The following PPARGC1A variants were observed in gnomAD, a reference collection of about 807,000 sequenced individuals.
PPARGC1A encodes peroxisome proliferator-activated receptor gamma coactivator 1-alpha.
A neutral mutation model predicts 88.7 loss-of-function variants in PPARGC1A; 25 were observed. The ratio of observed to expected loss-of-function variants is 0.28; its 90% CI spans 0.21 to 0.39. The LOEUF is 0.39. Ranked by LOEUF, PPARGC1A falls within the 10% of genes least tolerant of loss-of-function variation. The pLI is 1.00. For synonymous variants in PPARGC1A, 363 were observed against 355.6 expected (o/e 1.02, Z -0.24); for missense variants, 880 against 968.7 (o/e 0.91, Z 1.22).
the PPARGC1A span, among the ~76,000 whole-genome samples, chr4:24,049,322 A>ATATATATATATATATG: frequency 7.4e-3 from 1,051 of 141,906 alleles, 43 homozygotes; most frequent in Admixed American, 0.059. Flanking sequence ...ATATATATAT[A>ATATATATATATATATG]TGTGTGTGTG....
chr4:24,124,975 C>T, the PPARGC1A span, among the ~76,000 whole-genome samples: 12 of 152,124 alleles, frequency 7.9e-5, no homozygotes, highest in African/African-American at 2.9e-4. Context: ...ATACTTCACA[C>T]TCCCTCCTTG....
the PPARGC1A span, among the ~76,000 whole-genome samples, chr4:24,462,901 C>T: frequency 6.6e-6 from 1 of 151,784 alleles, no homozygotes; most frequent in Non-Finnish European, 1.5e-5. Flanking sequence ...ACAACAATTG[C>T]AGGGGATGGA....
In PPARGC1A at chr4:23,795,147, G is replaced by C. The variant is rs1717285210; in HGVS notation, c.*675C>G. ...GTCATATAATCATTACGTTATGAGA[G>C]AAAGCTTGCTTCAAGTTGATTCTGC... is the stretch of plus-strand genomic sequence containing the variant. On this transcript the variant is annotated 3_prime_UTR_variant, in exon 13 of 13. Coordinates refer to ENST00000264867, the MANE Select transcript of PPARGC1A (RefSeq NM_013261.5). The C allele has an allele frequency of 6.6e-6, 1 of 151,860 alleles. No individual in the cohort carries two copies. 9.4% of individuals were successfully genotyped at this position (151,860 alleles called of 1,614,324 possible).
the PPARGC1A span, among the ~76,000 whole-genome samples, chr4:24,190,501 T>C: frequency 6.6e-6 from 1 of 152,026 alleles, no homozygotes; most frequent in South Asian, 2.1e-4. Flanking sequence ...GGCTACAAAG[T>C]GAGACTCCAT....
chr4:24,240,888 C>A, the PPARGC1A span, among the ~76,000 whole-genome samples: 1 of 152,142 alleles, frequency 6.6e-6, no homozygotes, highest in South Asian at 2.1e-4. Flanking sequence ...ATCCAAGCAG[C>A]CTCACTGAAC....
At chr4:23,862,319 T>C (rs1033378596) in intron 2 of PPARGC1A, among the ~76,000 whole-genome samples, 1 of 152,206 alleles carries the variant, frequency 6.6e-6, no homozygotes, top group African/African-American at 2.4e-5. Flanking sequence ...GTTCCTGTGA[T>C]TTTAAAATTT....
chr4:24,358,083 A>G, the PPARGC1A span, among the ~76,000 whole-genome samples: 1 of 152,184 alleles, frequency 6.6e-6, no homozygotes, highest in Non-Finnish European at 1.5e-5. Flanking sequence ...ATATTACTCC[A>G]CTAACCCTCA....
the PPARGC1A span, among the ~76,000 whole-genome samples, chr4:24,008,339 T>A: frequency 6.6e-6 from 1 of 152,194 alleles, no homozygotes; most frequent in Non-Finnish European, 1.5e-5. Flanking sequence ...GAAAAGATCC[T>A]TAGGAGCTTT....
the PPARGC1A span, among the ~76,000 whole-genome samples, chr4:24,091,248 T>C: frequency 6.6e-6 from 1 of 152,266 alleles, no homozygotes; most frequent in African/African-American, 2.4e-5. Flanking sequence ...CCTATAGATT[T>C]GTAAAGCCCT....
At chr4:24,335,151 T>C in the PPARGC1A span, among the ~76,000 whole-genome samples, 2 of 152,180 alleles carry the variant, frequency 1.3e-5, no homozygotes, top group African/African-American at 4.8e-5. Context: ...CTTAGCATAA[T>C]TCTTGGCATA....
At chr4:23,892,624 C>T (rs1336087153), upstream of PPARGC1A, among the ~76,000 whole-genome samples, 1 of 151,522 alleles carries the variant, frequency 6.6e-6, no homozygotes, top group Non-Finnish European at 1.5e-5. Flanking sequence ...TTCCCCGGGC[C>T]ATTTCTCTAT....
chr4:23,835,603 C>T (rs577754577), intron 2 of PPARGC1A, among the ~76,000 whole-genome samples: 4 of 151,654 alleles, frequency 2.6e-5, no homozygotes, highest in South Asian at 2.1e-4. Flanking sequence ...AATGATTATT[C>T]GATATTATTG....
the PPARGC1A span, among the ~76,000 whole-genome samples, chr4:24,161,561 T>C: frequency 1.4e-3 from 209 of 152,198 alleles, 1 homozygote; most frequent in South Asian, 4.8e-3. Flanking sequence ...GGGGTTGTCA[T>C]GAGATACTAT....
At chr4:24,256,927 TAA>T in the PPARGC1A span, among the ~76,000 whole-genome samples, 1 of 152,076 alleles carries the variant, frequency 6.6e-6, no homozygotes, top group South Asian at 2.1e-4. Context: ...TCCAGAGGGG[TAA>T]AGAGTTTTGG....
chr4:24,426,648 A>T, the PPARGC1A span, among the ~76,000 whole-genome samples: 1 of 152,244 alleles, frequency 6.6e-6, no homozygotes, highest in Non-Finnish European at 1.5e-5. Context: ...ATTATGGCTT[A>T]AGTATGGGCT....
the PPARGC1A span, among the ~76,000 whole-genome samples, chr4:24,123,052 G>C: frequency 5.3e-5 from 8 of 152,146 alleles, no homozygotes; most frequent in Admixed American, 6.5e-5. Flanking sequence ...CACACGCACT[G>C]GTGGTCATGC....
the PPARGC1A span, among the ~76,000 whole-genome samples, chr4:24,052,151 T>G: frequency 1.2e-4 from 18 of 152,296 alleles, 1 homozygote; most frequent in South Asian, 1.9e-3. Flanking sequence ...CTGCTATTAT[T>G]GAAAATCATA....
chr4:23,923,456 A>C, the PPARGC1A span, among the ~76,000 whole-genome samples: 2 of 152,212 alleles, frequency 1.3e-5, no homozygotes, highest in Non-Finnish European at 2.9e-5. Context: ...ATTACTGTCC[A>C]GTGACAGCAT....
chr4:24,188,267 T>C, the PPARGC1A span, among the ~76,000 whole-genome samples: 1 of 152,096 alleles, frequency 6.6e-6, no homozygotes, highest in Non-Finnish European at 1.5e-5. Context: ...ATGTCCTATA[T>C]TCTAAGGCTA....
Sources: allele counts gnomAD v4.1 joint callset (sites outside exome capture counted in the v4.1 genomes callset), GRCh38; gene constraint gnomAD v4.1.1; transcripts MANE v1.5; gene names NCBI Gene and HGNC (gene_info 2026-07-23, HGNC 2026-07-21).